Variants in OLFM3 observed in about 807,000 individuals in gnomAD.
The protein encoded by OLFM3 is olfactomedin 3.
OLFM3 carries 20 observed loss-of-function variants against 48.6 expected under a neutral mutation model. The observed-to-expected ratio is 0.41, with a 90% confidence interval of 0.29 to 0.60. The LOEUF (loss-of-function observed/expected upper bound fraction) is 0.60, where lower values mean the gene tolerates loss of function less well. OLFM3 is among the 20% of genes least tolerant of loss of function. The pLI is 0.28. For missense variants in OLFM3, 437 were observed against 544.3 expected (o/e 0.80, Z 1.96); for synonymous variants, 222 against 198.1 (o/e 1.12, Z -1.01).
At chr1:101,860,604 G>A (rs1199505998) in intron 1 of OLFM3, among the ~76,000 whole-genome samples, 1 of 151,872 alleles carries the variant, frequency 6.6e-6, no homozygotes, top group Non-Finnish European at 1.5e-5. Context: ...TCCAGCTACT[G>A]TTTAGTAATC....
At chr1:101,911,657 C>G (rs1327055809) in intron 1 of OLFM3, among the ~76,000 whole-genome samples, 1 of 152,150 alleles carries the variant, frequency 6.6e-6, no homozygotes, top group Non-Finnish European at 1.5e-5. Context: ...TTTACACATA[C>G]AGTTAATGTT....
At chr1:101,839,315 T>A (rs928902509) in intron 1 of OLFM3, among the ~76,000 whole-genome samples, 1 of 152,248 alleles carries the variant, frequency 6.6e-6, no homozygotes, top group Non-Finnish European at 1.5e-5. Flanking sequence ...TTAGATAAGA[T>A]CTTAGAGATT....
intron 1 of OLFM3, among the ~76,000 whole-genome samples, chr1:101,870,967 AAAAAG>A (rs1657059170): frequency 6.6e-6 from 1 of 152,124 alleles, no homozygotes; most frequent in African/African-American, 2.4e-5. Flanking sequence ...AAAAAAAGAA[AAAAAG>A]AAAAGATCCT....
At chr1:101,926,492 T>C (rs528046519) in intron 1 of OLFM3, among the ~76,000 whole-genome samples, 105 of 152,300 alleles carry the variant, frequency 6.9e-4, no homozygotes, top group African/African-American at 2.4e-3. Flanking sequence ...GACAGAAGTC[T>C]TTAGGAAAAG....
intron 1 of OLFM3, among the ~76,000 whole-genome samples, chr1:101,922,032 C>A (rs1659111685): frequency 6.6e-6 from 1 of 151,874 alleles, no homozygotes; most frequent in African/African-American, 2.4e-5. Flanking sequence ...GCACTCCAGC[C>A]TGGGTAATAG....
intron 3 of OLFM3, among the ~76,000 whole-genome samples, chr1:101,829,724 G>T (rs897837408): frequency 1.3e-5 from 2 of 152,256 alleles, no homozygotes; most frequent in African/African-American, 4.8e-5. Flanking sequence ...AAAACCAGAG[G>T]CTATTAAGTG....
rs545912074 is a variant in OLFM3, at chr1:101,811,109, T to G, written c.593-4927A>C. ...CATACACAGGATCTCAGAAGTCAGT[T>G]GAGTCCAATTTTGTTCTGAATACAG... On this transcript the variant is annotated intron_variant, in intron 4 of 5. Transcript: ENST00000370103. 2.4e-4 allele frequency among the ~76,000 whole-genome samples: 36 copies of G among 152,136 alleles called. No homozygotes were observed. The South Asian group carries it at 7.2e-3, about 31-fold the overall frequency.
chr1:101,989,926 T>A (rs1403877452), intron 1 of OLFM3, among the ~76,000 whole-genome samples: 2 of 152,210 alleles, frequency 1.3e-5, no homozygotes, highest in African/African-American at 4.8e-5. Context: ...TTTTTGAATC[T>A]TCAAAAGAAT....
intron 1 of OLFM3, among the ~76,000 whole-genome samples, chr1:101,995,395 A>C (rs1409825752): frequency 6.6e-6 from 1 of 152,160 alleles, no homozygotes; most frequent in Non-Finnish European, 1.5e-5. Context: ...TAAGTGTAAA[A>C]TGCTTTAAAG....
At chr1:101,944,200 A>T (rs1659885043) in intron 1 of OLFM3, among the ~76,000 whole-genome samples, 1 of 152,082 alleles carries the variant, frequency 6.6e-6, no homozygotes, top group African/African-American at 2.4e-5. Context: ...ATGTTTAATT[A>T]TTGCCAATGC....
intron 1 of OLFM3, among the ~76,000 whole-genome samples, chr1:101,945,175 G>T (rs1659916700): frequency 6.6e-6 from 1 of 152,216 alleles, no homozygotes; most frequent in Non-Finnish European, 1.5e-5. Context: ...TTATCCAAGA[G>T]AAATGAAAGT....
Position 101,806,205 on chromosome 1 carries a change from G to A in OLFM3, c.593-23C>T, listed in dbSNP as rs113549195. 4,539 of 1,584,598 alleles carry A rather than the reference G, an allele frequency of 2.9e-3. 75 individuals carry two copies. The African/African-American group carries it at 0.044, about 15-fold the overall frequency. On this transcript the variant is annotated intron_variant, in intron 4 of 5. Coordinates refer to ENST00000370103, the MANE Select transcript of OLFM3 (RefSeq NM_058170.4). ...ATGCTGAAATTAGAGAAACACAAACGTGTTAGGTGAACGCAGCCAATGATT... is the reference window on the plus strand; with the variant it reads ...ATGCTGAAATTAGAGAAACACAAACATGTTAGGTGAACGCAGCCAATGATT...
chr1:101,921,279 G>T (rs988885972), intron 1 of OLFM3, among the ~76,000 whole-genome samples: 5 of 151,204 alleles, frequency 3.3e-5, no homozygotes, highest in African/African-American at 9.7e-5. Context: ...TGATTATAAT[G>T]ATCCCTTGAT....
At chr1:101,836,838 G>A (rs372136211) in intron 2 of OLFM3, 41 bp downstream of exon 2, 111 of 1,596,950 alleles carry the variant, frequency 7.0e-5, no homozygotes, top group Non-Finnish European at 9.2e-5. Context: ...AAGAATGGTC[G>A]ATTTTACTAA....
At chr1:101,922,416 T>C (rs1659126680) in intron 1 of OLFM3, among the ~76,000 whole-genome samples, 1 of 152,144 alleles carries the variant, frequency 6.6e-6, no homozygotes, top group African/African-American at 2.4e-5. Flanking sequence ...TACATACAGC[T>C]GATCTCATTA....
chr1:101,893,545 T>C (rs538747775), intron 1 of OLFM3: 115 of 280,890 alleles, frequency 4.1e-4, no homozygotes, highest in Non-Finnish European at 7.3e-4. Flanking sequence ...CCAGGAGATA[T>C]TATCATTGCA....
intron 1 of OLFM3, among the ~76,000 whole-genome samples, chr1:101,878,514 T>G (rs1363676634): frequency 1.3e-5 from 2 of 152,074 alleles, no homozygotes; most frequent in East Asian, 3.9e-4. Context: ...TGATGAATAC[T>G]GATGCCATCT....
At chr1:101,977,232 A>T (rs974810341) in intron 1 of OLFM3, among the ~76,000 whole-genome samples, 4 of 152,204 alleles carry the variant, frequency 2.6e-5, no homozygotes, top group Non-Finnish European at 5.9e-5. Flanking sequence ...CATTTTCCCC[A>T]TAGCAGTTGG....
At chr1:101,990,135 C>T (rs532777915) in intron 1 of OLFM3, among the ~76,000 whole-genome samples, 2 of 152,224 alleles carry the variant, frequency 1.3e-5, no homozygotes, top group African/African-American at 2.4e-5. Flanking sequence ...AGCCACTCTT[C>T]GTGTTTTACA....
Sources: allele counts gnomAD v4.1 joint callset (sites outside exome capture counted in the v4.1 genomes callset), GRCh38; gene constraint gnomAD v4.1.1; transcripts MANE v1.5; gene names NCBI Gene and HGNC (gene_info 2026-07-23, HGNC 2026-07-21).